CELF2: variants seen among roughly 807,000 people sequenced by gnomAD.
CELF2 encodes the protein CUGBP Elav-like family member 2, also known as CUG triplet repeat RNA-binding protein 2.
A neutral mutation model predicts 62.6 loss-of-function variants in CELF2; 8 were observed. The ratio of observed to expected loss-of-function variants is 0.13; its 90% confidence interval spans 0.07 to 0.23. The LOEUF (loss-of-function observed/expected upper bound fraction) is 0.23. Ranked by LOEUF, CELF2 falls within the 10% of genes least tolerant of loss-of-function variation. CELF2 has a pLI of 1.00. For missense variants in CELF2, 333 were observed against 671.0 expected, an observed-to-expected ratio of 0.50 and a Z score of 5.56; for synonymous variants, 258 against 250.0, an observed-to-expected ratio of 1.03 and a Z score of -0.30.
At chr10:10,655,225 C>G in the CELF2 span, among the ~76,000 whole-genome samples, 1 of 142,234 alleles carries the variant, frequency 7.0e-6, no homozygotes, top group Non-Finnish European at 1.6e-5. Flanking sequence ...AAAGAGGATA[C>G]AAACAAATGG....
chr10:11,284,700 T>TGATG (rs1263126408), intron 8 of CELF2, among the ~76,000 whole-genome samples: 1 of 147,888 alleles, frequency 6.8e-6, no homozygotes, highest in African/African-American at 2.5e-5. Flanking sequence ...GATGAGTGGA[T>TGATG]GATGGATGGA....
rs1368036939 is a variant in CELF2, at chr10:11,284,236, TG to T, written c.842-4180del. Among the ~76,000 whole-genome samples the T allele has an allele frequency of 4.4e-3, 41 of 9,420 alleles. 7 individuals are homozygous for T. The highest frequency in any genetic ancestry group is 0.062 in the Middle Eastern group (1 of 16). The allele number at this position is 9,420 out of a possible 152,430, so 6.2% of individuals were successfully genotyped here. Reference sequence around the variant, plus strand: ...GAGTGTGTGGTGGGTGGATGAGGGATGGAGGGGTGGGTGGATGATGGATGAC... The same window carrying T: ...GAGTGTGTGGTGGGTGGATGAGGGATGAGGGGTGGGTGGATGATGGATGAC... On this transcript the variant is annotated intron_variant, in intron 8 of 12. Transcript: ENST00000633077.
chr10:10,886,801 A>C (rs1470655897), intron 1 of CELF2, among the ~76,000 whole-genome samples: 1 of 152,206 alleles, frequency 6.6e-6, no homozygotes, highest in Non-Finnish European at 1.5e-5. Flanking sequence ...ACACCACTGC[A>C]CTCCAGCCTG....
At chr10:10,766,885 G>C in the CELF2 span, among the ~76,000 whole-genome samples, 1 of 152,156 alleles carries the variant, frequency 6.6e-6, no homozygotes, top group African/African-American at 2.4e-5. Context: ...GGACGAACTT[G>C]TACCTGATCT....
At chr10:10,694,400 T>G in the CELF2 span, among the ~76,000 whole-genome samples, 1 of 151,574 alleles carries the variant, frequency 6.6e-6, no homozygotes, top group Non-Finnish European at 1.5e-5. Context: ...TTTCTGTTCT[T>G]TTACATTTGC....
the CELF2 span, among the ~76,000 whole-genome samples, chr10:10,684,147 C>T: frequency 6.6e-6 from 1 of 152,206 alleles, no homozygotes; most frequent in Admixed American, 6.5e-5. Context: ...TGATAGAGGA[C>T]TGTGGCTATT....
At chr10:10,492,025 A>G in the CELF2 span, among the ~76,000 whole-genome samples, 1 of 151,652 alleles carries the variant, frequency 6.6e-6, no homozygotes, top group Non-Finnish European at 1.5e-5. Context: ...TTCTTGTGCT[A>G]TTCCATTCTC....
the CELF2 span, among the ~76,000 whole-genome samples, chr10:10,463,761 G>C: frequency 1.4e-4 from 22 of 152,020 alleles, no homozygotes. Context: ...CTGTTTGTTT[G>C]GTTGTTTGTT....
At chr10:10,671,743 T>C in the CELF2 span, among the ~76,000 whole-genome samples, 3 of 151,990 alleles carry the variant, frequency 2.0e-5, no homozygotes, top group African/African-American at 7.2e-5. Flanking sequence ...TTTTTTTTTT[T>C]AATTGACACA....
At chr10:10,817,513 C>T (rs551653350) in intron 1 of CELF2, among the ~76,000 whole-genome samples, 61 of 152,244 alleles carry the variant, frequency 4.0e-4, no homozygotes, top group African/African-American at 1.3e-3. Context: ...CTTCTACTCT[C>T]TATGTCCATG....
At position 11,329,144 on chromosome 10, in the gene CELF2, A is replaced by G; in HGVS notation, c.*91A>G. 3.0e-6 allele frequency: 4 copies of G among 1,352,120 alleles called. No homozygotes were observed. The highest frequency in any genetic ancestry group is 4.0e-6 in the Non-Finnish European group (4 of 1,007,322). The allele number at this position is 1,352,120 out of a possible 1,614,324, so 83.8% of individuals were successfully genotyped here. A position where few individuals can be genotyped will look rare whatever the true frequency, so the allele number is the denominator to read the frequency against. On this transcript the variant is annotated 3_prime_UTR_variant, in exon 13 of 13. Transcript: ENST00000633077. This position sits in a 1 kb window ranked among gnomAD's most constrained non-coding sequence, Gnocchi z 5.5. ...GTCTCAACAGGGAAGGCAGAGGAGG[A>G]CCACATTGCCAACTTTTACCAAGAG... is the stretch of plus-strand genomic sequence containing the variant.
At position 11,177,814 on chromosome 10, in the gene CELF2, C is replaced by T. The variant is rs1301561465; in HGVS notation, c.271+12132C>T. On this transcript the variant is annotated intron_variant, in intron 2 of 12. Transcript: ENST00000633077. This position sits in a 1 kb window ranked among gnomAD's most constrained non-coding sequence, Gnocchi z 4.8. ...TCAGGAGCGGGTGAGGAGGGCCTTT[C>T]TCTGCCTCCCATTCCCAAAGCATTC... is the stretch of plus-strand genomic sequence containing the variant. Among the ~76,000 whole-genome samples, 1 of 152,156 alleles carries T rather than the reference C, an allele frequency of 6.6e-6. No homozygotes were observed. The highest frequency in any genetic ancestry group is 1.5e-5 in the Non-Finnish European group (1 of 68,022).
intron 1 of CELF2, among the ~76,000 whole-genome samples, chr10:11,147,736 G>A (rs185686594): frequency 2.6e-5 from 4 of 152,326 alleles, no homozygotes; most frequent in African/African-American, 4.8e-5. Flanking sequence ...ACGGTTTGCC[G>A]ATTTTGTTAG....
intron 2 of CELF2, among the ~76,000 whole-genome samples, chr10:11,199,313 C>T (rs1048688042): frequency 6.6e-6 from 1 of 152,146 alleles, no homozygotes; most frequent in East Asian, 1.9e-4. Flanking sequence ...GCCTGCTTTT[C>T]CCCCCTCTTG....
Position 11,314,901 on chromosome 10 carries a change from C to A in CELF2, c.1096+643C>A, listed in dbSNP as rs1439628391. ...TAAGCACCCACAGGTATGGGTCACTCTACATCAGTGACCATCCAGAGGGAC... is the reference window on the plus strand; with the variant it reads ...TAAGCACCCACAGGTATGGGTCACTATACATCAGTGACCATCCAGAGGGAC... On this transcript the variant is annotated intron_variant, in intron 10 of 12. Transcript: ENST00000633077. This position sits in a 1 kb window ranked among gnomAD's most constrained non-coding sequence, Gnocchi z 5.3. 3 of 159,982 alleles carry A rather than the reference C, an allele frequency of 1.9e-5. No homozygotes were observed. Among genetic ancestry groups the A allele is most frequent in the Non-Finnish European group, 4.1e-5 (3 of 73,328 alleles). The allele number at this position is 159,982 out of a possible 1,614,324, so 9.9% of individuals were successfully genotyped here.
chr10:10,969,514 TC>T (rs1453443442), intron 2 of CELF2, among the ~76,000 whole-genome samples: 1 of 152,158 alleles, frequency 6.6e-6, no homozygotes, highest in African/African-American at 2.4e-5. Context: ...ACTATAAACA[TC>T]CCCGTTGTGC....
chr10:10,666,861 C>CAAAA, the CELF2 span, among the ~76,000 whole-genome samples: 46 of 25,204 alleles, frequency 1.8e-3, 4 homozygotes, highest in African/African-American at 9.3e-3. Flanking sequence ...GACTCCGTCT[C>CAAAA]AAAAAAAAAA....
intron 1 of CELF2, among the ~76,000 whole-genome samples, chr10:10,900,808 T>C (rs921085503): frequency 6.6e-6 from 1 of 152,186 alleles, no homozygotes; most frequent in Non-Finnish European, 1.5e-5. Context: ...ACAGCATGAT[T>C]GTCGATGTAG....
chr10:10,551,878 A>G, the CELF2 span, among the ~76,000 whole-genome samples: 1 of 152,092 alleles, frequency 6.6e-6, no homozygotes, highest in African/African-American at 2.4e-5. Context: ...AAAGCATCTG[A>G]ACTCTTGATA....
Sources: gnomAD v4.1 joint callset for allele counts (sites outside exome capture counted in the v4.1 genomes callset) on GRCh38, gnomAD v4.1.1 for gene constraint, Gnocchi (gnomAD v3.1) non-coding constraint, MANE v1.5 for transcripts, NCBI Gene and HGNC (gene_info 2026-07-23, HGNC 2026-07-21) for gene names.